INSL6: variants seen among roughly 807,000 people sequenced by gnomAD.
INSL6 encodes insulin-like peptide INSL6.
A neutral mutation model predicts 9.4 loss-of-function variants in INSL6; 16 were observed. That is an observed-to-expected ratio of 1.70 (90% CI 1.15 to 2.59). The LOEUF is 2.59. INSL6 is among the 30% of genes most tolerant of loss of function. The pLI, the probability that INSL6 is intolerant of heterozygous loss-of-function variation, is 0.00. For synonymous variants in INSL6, 154 were observed against 96.9 expected, an observed-to-expected ratio of 1.59 and a Z score of -3.46; for missense variants, 391 against 257.3, an observed-to-expected ratio of 1.52 and a Z score of -3.56.
chr9:5,167,328 T>C (rs1825077721), intron 1 of INSL6, among the ~76,000 whole-genome samples: 1 of 152,194 alleles, frequency 6.6e-6, no homozygotes, highest in Non-Finnish European at 1.5e-5. Context: ...AGACTGATGG[T>C]GGCTGCTGAG....
chr9:5,031,048 C>T, the INSL6 span, among the ~76,000 whole-genome samples: 171 of 152,038 alleles, frequency 1.1e-3, 1 homozygote, highest in African/African-American at 3.8e-3. Flanking sequence ...AAACAGAAGA[C>T]AGTATAGGAA....
At chr9:5,041,161 T>G in the INSL6 span, 1 of 1,192,150 alleles carries the variant, frequency 8.4e-7, no homozygotes, top group Non-Finnish European at 1.2e-6. Flanking sequence ...CGCGCATGGA[T>G]TATGTGCACA....
At chr9:5,170,614 T>G (rs1282993497) in intron 1 of INSL6, among the ~76,000 whole-genome samples, 1 of 138,436 alleles carries the variant, frequency 7.2e-6, no homozygotes. Flanking sequence ...AATAAAGAAA[T>G]GAAAGAAGAA....
chr9:5,026,881 A>G, the INSL6 span, among the ~76,000 whole-genome samples: 1 of 152,240 alleles, frequency 6.6e-6, no homozygotes, highest in South Asian at 2.1e-4. Flanking sequence ...ATGCACTCAC[A>G]TTTTAAGTTG....
the INSL6 span, chr9:5,077,637 C>G: frequency 1.1e-4 from 121 of 1,113,220 alleles, no homozygotes; most frequent in Admixed American, 5.4e-4. Flanking sequence ...AAACAATATA[C>G]AAATTATCTT....
chr9:5,043,233 G>A, the INSL6 span, among the ~76,000 whole-genome samples: 3 of 152,242 alleles, frequency 2.0e-5, no homozygotes, highest in East Asian at 5.8e-4. Flanking sequence ...CGTGAGTCTG[G>A]TTTTTGCTTT....
At chr9:5,093,489 A>G in the INSL6 span, among the ~76,000 whole-genome samples, 1 of 152,174 alleles carries the variant, frequency 6.6e-6, no homozygotes, top group Non-Finnish European at 1.5e-5. Context: ...AATCTGACCT[A>G]TTGGTGAAGA....
chr9:5,110,842 G>T, the INSL6 span: 353 of 461,070 alleles, frequency 7.7e-4, 1 homozygote, highest in Non-Finnish European at 1.0e-3. Context: ...CGGGGAAGGT[G>T]GGGGGGACGC....
downstream of INSL6, among the ~76,000 whole-genome samples, chr9:5,163,055 T>G (rs995270970): frequency 3.3e-5 from 5 of 152,190 alleles, no homozygotes; most frequent in African/African-American, 1.2e-4. Context: ...ACTTCAACAA[T>G]AGTCATACAT....
chr9:5,009,492 A>G, the INSL6 span, among the ~76,000 whole-genome samples: 1 of 151,370 alleles, frequency 6.6e-6, no homozygotes, highest in African/African-American at 2.4e-5. Flanking sequence ...TTCATAATCT[A>G]GTGATGCTTT....
At chr9:5,009,166 G>T in the INSL6 span, among the ~76,000 whole-genome samples, 1 of 152,192 alleles carries the variant, frequency 6.6e-6, no homozygotes, top group African/African-American at 2.4e-5. Context: ...TAACTGGAAT[G>T]GATGAGCAAA....
At chr9:4,996,389 A>C in the INSL6 span, among the ~76,000 whole-genome samples, 1 of 152,176 alleles carries the variant, frequency 6.6e-6, no homozygotes, top group African/African-American at 2.4e-5. Context: ...CAGAGGTTGC[A>C]GTGAGCTGAG....
the INSL6 span, among the ~76,000 whole-genome samples, chr9:5,021,026 A>G: frequency 6.6e-6 from 1 of 152,120 alleles, no homozygotes; most frequent in South Asian, 2.1e-4. Context: ...CCCAGGGCCC[A>G]TGAAAGTTGA....
chr9:5,126,562 C>A, intron 3 of INSL6: 1 of 928,210 alleles, frequency 1.1e-6, no homozygotes, highest in South Asian at 1.6e-5. Flanking sequence ...ACAGCATAAT[C>A]AGATGACTGT....
At chr9:5,037,596 C>CT in the INSL6 span, among the ~76,000 whole-genome samples, 20 of 152,126 alleles carry the variant, frequency 1.3e-4, no homozygotes, top group Admixed American at 3.9e-4. Flanking sequence ...TCTCAGCAAA[C>CT]TATCGCAAGG....
the INSL6 span, among the ~76,000 whole-genome samples, chr9:5,070,416 T>C: frequency 6.6e-6 from 1 of 151,976 alleles, no homozygotes; most frequent in Non-Finnish European, 1.5e-5. Flanking sequence ...AATCCAGCCA[T>C]CTCTCAGTGT....
At chr9:5,096,045 T>C in the INSL6 span, among the ~76,000 whole-genome samples, 52 of 152,262 alleles carry the variant, frequency 3.4e-4, 1 homozygote, top group East Asian at 9.3e-3. Flanking sequence ...CAAAAAACAA[T>C]AGTCTTATTA....
intron 2 of INSL6, among the ~76,000 whole-genome samples, chr9:5,134,257 G>A (rs982810747): frequency 6.6e-6 from 1 of 152,146 alleles, no homozygotes; most frequent in Non-Finnish European, 1.5e-5. Context: ...AACCAAGTTG[G>A]AAAACACTCT....
chr9:5,151,919 A>T (rs1170887313), intron 2 of INSL6, among the ~76,000 whole-genome samples: 1 of 152,220 alleles, frequency 6.6e-6, no homozygotes, highest in Non-Finnish European at 1.5e-5. Flanking sequence ...GAAGATACAG[A>T]TAGGTTAAAA....
Sources: gnomAD v4.1 joint callset for allele counts (sites outside exome capture counted in the v4.1 genomes callset) on GRCh38, gnomAD v4.1.1 for gene constraint, MANE v1.5 for transcripts, NCBI Gene and HGNC (gene_info 2026-07-23, HGNC 2026-07-21) for gene names.